Variants in SNRNP40 observed in about 807,000 individuals in gnomAD.
SNRNP40 encodes small nuclear ribonucleoprotein U5 subunit 40, also known as U5 small nuclear ribonucleoprotein 40 kDa protein.
Under a neutral mutation model 45.8 loss-of-function variants are expected in SNRNP40, and 21 were observed. The observed-to-expected ratio is 0.46, with a 90% CI of 0.32 to 0.66. SNRNP40 has a LOEUF of 0.66. SNRNP40 is among the 30% of genes least tolerant of loss of function. SNRNP40 has a pLI of 0.03. For synonymous variants in SNRNP40, 142 were observed against 163.8 expected (o/e 0.87, Z 1.01); for missense variants, 344 against 439.1 (o/e 0.78, Z 1.94).
intron 1 of SNRNP40, among the ~76,000 whole-genome samples, chr1:31,295,652 G>C (rs1418038285): frequency 6.6e-6 from 1 of 152,190 alleles, no homozygotes; most frequent in Non-Finnish European, 1.5e-5. Flanking sequence ...TTTTTACTCT[G>C]GATGAAGTAC....
At position 31,293,202 on chromosome 1, in the gene SNRNP40, C is replaced by A. The variant is rs754573493; in HGVS notation, c.271+17G>T. ...CTGGCAGGAAAAATTATTCCAGATT[C>A]AAAAACTATGCCTCACATATCAGTC... On this transcript the variant is annotated intron_variant, in intron 2 of 9. Coordinates refer to ENST00000263694, the MANE Select transcript of SNRNP40 (RefSeq NM_004814.3). 5 of 1,612,172 alleles carry A rather than the reference C, an allele frequency of 3.1e-6. No individual in the cohort carries two copies. The African/African-American group carries it at 6.7e-5, about 22-fold the overall frequency.
chr1:31,291,817 G>GT, intron 3 of SNRNP40, 96 bp downstream of exon 3: 1 of 854,784 alleles, frequency 1.2e-6, no homozygotes, highest in Admixed American at 1.9e-5. Context: ...AAAATTAGTA[G>GT]TTTTTGATAG....
chr1:31,285,830 C>A (rs1043499708), intron 4 of SNRNP40, among the ~76,000 whole-genome samples: 4 of 152,140 alleles, frequency 2.6e-5, no homozygotes, highest in African/African-American at 9.7e-5. Context: ...TCTTATGTTT[C>A]CTCTTGATTA....
At chr1:31,290,694 G>T (rs941552634) in intron 3 of SNRNP40, among the ~76,000 whole-genome samples, 1 of 151,752 alleles carries the variant, frequency 6.6e-6, no homozygotes. Flanking sequence ...TGGCTAACAC[G>T]GTGAAACCCC....
intron 5 of SNRNP40, among the ~76,000 whole-genome samples, chr1:31,280,747 G>T (rs1026359625): frequency 3.3e-5 from 5 of 151,310 alleles, no homozygotes; most frequent in Non-Finnish European, 5.9e-5. Context: ...TCCCCACAAT[G>T]GTATGTGGTA....
chr1:31,267,688 G>A (rs774459778), intron 8 of SNRNP40, among the ~76,000 whole-genome samples, 183 bp downstream of exon 8: 18 of 152,048 alleles, frequency 1.2e-4, no homozygotes, highest in Non-Finnish European at 2.1e-4. Flanking sequence ...GGCATGTGCC[G>A]CCACGCCCGG....
chr1:31,283,427 ACC>A (rs1646034277), intron 4 of SNRNP40, among the ~76,000 whole-genome samples: 1 of 152,092 alleles, frequency 6.6e-6, no homozygotes, highest in Non-Finnish European at 1.5e-5. Context: ...ACATGGTAAA[ACC>A]TTGTTTCTAC....
At chr1:31,293,100 G>A (rs1004448685) in intron 2 of SNRNP40, 119 bp downstream of exon 2, 6 of 1,062,712 alleles carry the variant, frequency 5.6e-6, no homozygotes, top group Non-Finnish European at 8.3e-6. Flanking sequence ...TAGCATATTA[G>A]CCATGCAGCC....
At chr1:31,269,367 C>T (rs1645921619) in intron 6 of SNRNP40, 127 bp from the exon 7 acceptor site, 1 of 1,496,850 alleles carries the variant, frequency 6.7e-7, no homozygotes, top group Non-Finnish European at 8.9e-7. Flanking sequence ...GGGCAAAGTC[C>T]AACTTGACAT....
Position 31,263,465 on chromosome 1 carries a change from C to T in SNRNP40, c.921-1833G>A, listed in dbSNP as rs145631072. On this transcript the variant is annotated intron_variant, in intron 8 of 9. Transcript: ENST00000263694. ...AAGTGCTGGGATGACGGGCATGAGC[C>T]ACCATGCGTGGCATATGGCACAATC... 1.4e-3 allele frequency: 335 copies of T among 233,794 alleles called. 4 individuals are homozygous for T. The highest frequency in any genetic ancestry group is 7.6e-3 in the African/African-American group (321 of 42,276). The allele number at this position is 233,794 out of a possible 1,614,324, so 14.5% of individuals were successfully genotyped here. A position where few individuals can be genotyped will look rare whatever the true frequency, so the allele number is the denominator to read the frequency against.
chr1:31,286,571 A>G (rs977567768), intron 4 of SNRNP40, among the ~76,000 whole-genome samples: 1 of 152,030 alleles, frequency 6.6e-6, no homozygotes, highest in African/African-American at 2.4e-5. Context: ...CCCTACACCA[A>G]ATCATTTCTA....
chr1:31,265,615 C>A (rs879686989), intron 8 of SNRNP40, among the ~76,000 whole-genome samples: 2 of 152,048 alleles, frequency 1.3e-5, no homozygotes, highest in Admixed American at 1.3e-4. Flanking sequence ...CCGAGGCAGG[C>A]GGATCATGAG....
In SNRNP40 at chr1:31,288,824, C is replaced by T. The variant is rs533085073; in HGVS notation, c.531+430G>A. ...TGCAATCTCTGCAAGCTCCACCTCC[C>T]GGGTGCACACCATTCTCCTGCCTCA... is the stretch of plus-strand genomic sequence containing the variant. On this transcript the variant is annotated intron_variant, in intron 4 of 9. Transcript: ENST00000263694. Among the ~76,000 whole-genome samples the T allele has an allele frequency of 8.5e-5, 13 of 152,242 alleles. No homozygotes were observed. The East Asian group carries it at 1.9e-3, about 23-fold the overall frequency.
rs549647693 is a variant in SNRNP40 at position 31,267,779 on chromosome 1, G to A, written c.920+92C>T. On this transcript the variant is annotated intron_variant, in intron 8 of 9. Transcript: ENST00000263694. ...CGAACTGACCTCAGGTGATCTGCCC[G>A]CCTCGGCCTCCCAAAGTGCTGGGAT... is the stretch of plus-strand genomic sequence containing the variant. The A allele has an allele frequency of 1.5e-3, 1,352 of 912,786 alleles. 2 individuals are homozygous for A. Among genetic ancestry groups the A allele is most frequent in the Non-Finnish European group, 2.2e-3 (1,222 of 554,646 alleles). The allele number at this position is 912,786 out of a possible 1,614,324, so 56.5% of individuals were successfully genotyped here.
intron 4 of SNRNP40, among the ~76,000 whole-genome samples, chr1:31,286,791 T>G (rs1306506407): frequency 1.3e-5 from 2 of 152,198 alleles, no homozygotes; most frequent in African/African-American, 4.8e-5. Flanking sequence ...CCCTGCCCAG[T>G]GTGGATGCTC....
At chr1:31,289,089 T>C (rs7521463) in intron 4 of SNRNP40, among the ~76,000 whole-genome samples, 165 bp downstream of exon 4, 1 of 152,076 alleles carries the variant, frequency 6.6e-6, no homozygotes, top group Non-Finnish European at 1.5e-5. Flanking sequence ...TAATTAAAAC[T>C]TGTATTAAAT....
intron 3 of SNRNP40, among the ~76,000 whole-genome samples, chr1:31,291,478 G>T (rs1054977324): frequency 6.6e-6 from 1 of 152,112 alleles, no homozygotes; most frequent in African/African-American, 2.4e-5. Context: ...TGGACTGCTT[G>T]AGCTCAGGAG....
At chr1:31,282,603 CTATCTAT>C (rs1646026415) in intron 4 of SNRNP40, 1 of 151,240 alleles carries the variant, frequency 6.6e-6, no homozygotes, top group Non-Finnish European at 1.5e-5. Flanking sequence ...ATCTATCTAT[CTATCTAT>C]CTATCTTTCT....
rs148784514 is a variant in SNRNP40, at chr1:31,269,319, G to C, written c.776-79C>G. The C allele has an allele frequency of 4.4e-5, 70 of 1,586,230 alleles. No individual in the cohort carries two copies. In the African/African-American group the frequency reaches 8.3e-4, roughly 19 times the overall value. The stretch of plus-strand genomic sequence containing the variant: ...CCTCCTGGGCACCCAGCTGAAATTA[G>C]TATCATGTCAATCAATGGCAGATGC... On this transcript the variant is annotated intron_variant, in intron 6 of 9. Coordinates refer to ENST00000263694, the MANE Select transcript of SNRNP40 (RefSeq NM_004814.3).
Sources: gnomAD v4.1 joint callset for allele counts (sites outside exome capture counted in the v4.1 genomes callset) on GRCh38, gnomAD v4.1.1 for gene constraint, MANE v1.5 for transcripts, NCBI Gene and HGNC (gene_info 2026-07-23, HGNC 2026-07-21) for gene names.